OLR1: variants seen among roughly 807,000 people sequenced by gnomAD.
The protein encoded by OLR1 is oxidized low-density lipoprotein receptor 1.
Under a neutral mutation model 31.7 loss-of-function variants are expected in OLR1, and 23 were observed. That is an observed-to-expected ratio of 0.72 (90% CI 0.52 to 1.03). OLR1 has a LOEUF of 1.03. Ranked by LOEUF, OLR1 falls within the 50% of genes least tolerant of loss-of-function variation. The pLI is 0.00. For synonymous variants in OLR1, 117 were observed against 115.8 expected, an observed-to-expected ratio of 1.01 and a Z score of -0.07; for missense variants, 286 against 315.7, an observed-to-expected ratio of 0.91 and a Z score of 0.71.
rs982763910 is a variant in OLR1 at position 10,158,633 on chromosome 12, A to G, written c.*1247T>C. The G allele has an allele frequency of 6.6e-6, 1 of 152,196 alleles. No homozygotes were observed. Among genetic ancestry groups the G allele is most frequent in the Non-Finnish European group, 1.5e-5 (1 of 68,028 alleles). 9.4% of individuals were successfully genotyped at this position (152,196 alleles called of 1,614,324 possible). On this transcript the variant is annotated 3_prime_UTR_variant, in exon 6 of 6. Transcript: ENST00000309539. Reference sequence around the variant, plus strand: ...TGTGACACTTTGAGGGATGATGGATATGTTCACTCTCTTAATTGTAGTATG... The same window carrying G: ...TGTGACACTTTGAGGGATGATGGATGTGTTCACTCTCTTAATTGTAGTATG...
Position 10,159,914 on chromosome 12 carries a change from A to G in OLR1, c.788T>C (p.Ile263Thr). ...AENCILAAFS[I>T]CQKKANLRAQ is the part of the protein sequence containing the mutation. ...TCTTAGGTTTGCCTTCTTCTGACATATACTGAAGGCAGCTAAAATGCAGTT... is the reference window on the plus strand; with the variant it reads ...TCTTAGGTTTGCCTTCTTCTGACATGTACTGAAGGCAGCTAAAATGCAGTT... Residue 263 changes from isoleucine to threonine, a missense_variant, in exon 6 of 6, where the codon ATA becomes ACA. By Grantham distance (89) the Ile-to-Thr change is moderately conservative (BLOSUM62 -1). Coordinates refer to ENST00000309539, the MANE Select transcript of OLR1 (RefSeq NM_002543.4). 6.2e-7 allele frequency: 1 copy of G among 1,613,974 alleles called. No homozygotes were observed. The highest frequency in any genetic ancestry group is 8.5e-7 in the Non-Finnish European group (1 of 1,179,950).
rs1197385782 is a variant in OLR1 at position 10,159,244 on chromosome 12, C to T, written c.*636G>A. 1 of 152,172 alleles carries T rather than the reference C, an allele frequency of 6.6e-6. No individual in the cohort carries two copies. Among genetic ancestry groups the T allele is most frequent in the Non-Finnish European group, 1.5e-5 (1 of 68,086 alleles). 9.4% of individuals were successfully genotyped at this position (152,172 alleles called of 1,614,324 possible). On this transcript the variant is annotated 3_prime_UTR_variant, in exon 6 of 6. Transcript: ENST00000309539. ...GTGGATTAGCTTACAGAAAAGACCA[C>T]TCACTTACTAATTACTTTCTTGGGC...
rs1432356994 is a variant in OLR1 at position 10,160,803 on chromosome 12, T to C, written c.547A>G (p.Asn183Asp). The C allele has an allele frequency of 6.2e-7, 1 of 1,614,062 alleles. No individual in the cohort carries two copies. The highest frequency in any genetic ancestry group is 8.5e-7 in the Non-Finnish European group (1 of 1,180,010). Residue 183 changes from asparagine (N) to aspartate (D), a missense_variant, in exon 4 of 6, where the codon AAT becomes GAT. Coordinates refer to ENST00000309539, the MANE Select transcript of OLR1 (RefSeq NM_002543.4). Reference sequence around the variant, plus strand: ...ACACTCACCAGATCAGCTGTGCTATTAATTTTCAGCAACTTGGCATCCAAA... The same window carrying C: ...ACACTCACCAGATCAGCTGTGCTATCAATTTTCAGCAACTTGGCATCCAAA... ...LSLDAKLLKI[N>D]STADLDFIQQ...
At chr12:10,171,970 T>C (rs760612923) in intron 1 of OLR1, 32 bp downstream of exon 1, 2 of 1,529,008 alleles carry the variant, frequency 1.3e-6, no homozygotes, top group African/African-American at 2.7e-5. Flanking sequence ...ACTGGGATTC[T>C]TTCCCTGTAC....
At position 10,159,644 on chromosome 12, in the gene OLR1, T is replaced by G; in HGVS notation, c.*236A>C. 2.7e-6 allele frequency: 1 copy of G among 369,270 alleles called. No individual in the cohort carries two copies. The highest frequency in any genetic ancestry group is 2.0e-5 in the African/African-American group (1 of 49,952). The allele number at this position is 369,270 out of a possible 1,614,324, so 22.9% of individuals were successfully genotyped here. On this transcript the variant is annotated 3_prime_UTR_variant, in exon 6 of 6. Coordinates refer to ENST00000309539, the MANE Select transcript of OLR1 (RefSeq NM_002543.4). The stretch of plus-strand genomic sequence containing the variant: ...TAAAATAAAAAGGGGAAAATGGACT[T>G]CAGGCTGGCAGGGAAGCTTGGGACA...
At position 10,166,825 on chromosome 12, in the gene OLR1, T is replaced by C; in HGVS notation, c.311A>G (p.Glu104Gly). Residue 104 changes from glutamate to glycine, a missense_variant, in exon 3 of 6, where the codon GAA (glutamate) becomes GGA (glycine). Coordinates refer to ENST00000309539, the MANE Select transcript of OLR1 (RefSeq NM_002543.4). ...CTTCCGAGCAAGGGTTTCTATCATT[T>C]CCTTGAGTTCGTTTTCTGACTCCTG... Reference protein sequence around the residue: ...ASQESENELKEMIETLARKLN... With the variant: ...ASQESENELKGMIETLARKLN... 6.2e-7 allele frequency: 1 copy of C among 1,613,880 alleles called. No individual in the cohort carries two copies. Among genetic ancestry groups the C allele is most frequent in the South Asian group, 1.1e-5 (1 of 91,070 alleles).
In OLR1 at chr12:10,172,126, A is replaced by G. The variant is rs922622953; in HGVS notation, c.-49T>C. On this transcript the variant is annotated 5_prime_UTR_variant, in exon 1 of 6. Transcript: ENST00000309539. ...GAGAGTGAAGCAGTCACGAACTTCA[A>G]CAAACTAAAAATATGTGAGCTTCTG... 7.5e-6 allele frequency: 10 copies of G among 1,328,300 alleles called. No individual in the cohort carries two copies. Among genetic ancestry groups the G allele is most frequent in the Admixed American group, 1.7e-5 (1 of 58,460 alleles). The allele number at this position is 1,328,300 out of a possible 1,614,324, so 82.3% of individuals were successfully genotyped here. A position where few individuals can be genotyped will look rare whatever the true frequency, so the allele number is the denominator to read the frequency against.
chr12:10,174,501 C>G (rs917589975), upstream of OLR1, among the ~76,000 whole-genome samples: 8 of 152,116 alleles, frequency 5.3e-5, no homozygotes, highest in African/African-American at 1.9e-4. Flanking sequence ...GCCTAAAGAA[C>G]AAAAAGCTTC....
At chr12:10,172,143 G>A, upstream of OLR1, 1 of 1,087,242 alleles carries the variant, frequency 9.2e-7, no homozygotes, top group South Asian at 1.3e-5. Flanking sequence ...AAAAATATGT[G>A]AGCTTCTGCA....
At position 10,158,785 on chromosome 12, in the gene OLR1, GAC is replaced by G. The variant is rs1332943348; in HGVS notation, c.*1093_*1094del. 2.1e-5 allele frequency: 3 copies of G among 140,992 alleles called. No individual in the cohort carries two copies. The highest frequency in any genetic ancestry group is 4.4e-4 in the South Asian group (2 of 4,590). 8.7% of individuals were successfully genotyped at this position (140,992 alleles called of 1,614,324 possible). On this transcript the variant is annotated 3_prime_UTR_variant, in exon 6 of 6. Transcript: ENST00000309539. ...AAACATCTCTTGCCTACATAAGGAT[GAC>G]ACAGCTCTTAAAAAAAAAAAAAGAT...
intron 3 of OLR1, among the ~76,000 whole-genome samples, chr12:10,165,985 C>T (rs1358729954): frequency 1.2e-4 from 18 of 151,094 alleles, no homozygotes; most frequent in Admixed American, 7.9e-4. Context: ...CTGAGGCAGG[C>T]GGATGACTTG....
upstream of OLR1, among the ~76,000 whole-genome samples, chr12:10,173,553 G>T (rs1040173664): frequency 6.6e-6 from 1 of 151,852 alleles, no homozygotes; most frequent in South Asian, 2.1e-4. Context: ...GCTGAGGGGG[G>T]GGGTGGATCA....
rs1948610819 is a variant in OLR1, at chr12:10,160,460, G to A, written c.567C>T (p.Asp189=). The A allele has an allele frequency of 1.9e-6, 3 of 1,608,460 alleles. No individual in the cohort carries two copies. ...AATAGGAAATTGCTTGCTGGATGAA[G>A]TCCTGTGGGGAGTAATGTTTCTGAG... is the stretch of plus-strand genomic sequence containing the variant. ...LLKINSTADL[D]FIQQAISYSS... Residue 189 remains aspartate (D), a splice_region_variant and synonymous_variant, in exon 5 of 6, where the codon GAC becomes GAT. Coordinates refer to ENST00000309539, the MANE Select transcript of OLR1 (RefSeq NM_002543.4).
At chr12:10,174,515 C>T (rs1347114121), upstream of OLR1, among the ~76,000 whole-genome samples, 2 of 152,170 alleles carry the variant, frequency 1.3e-5, no homozygotes, top group Non-Finnish European at 2.9e-5. Context: ...AAGCTTCTAA[C>T]CTTCCCCCAA....
chr12:10,160,761 C>T, intron 4 of OLR1, 25 bp downstream of exon 4: 1 of 1,609,062 alleles, frequency 6.2e-7, no homozygotes, highest in Non-Finnish European at 8.5e-7. Context: ...ATACTCCACC[C>T]CAACAAATAT....
At chr12:10,165,262 CA>C (rs71049054) in intron 3 of OLR1, among the ~76,000 whole-genome samples, 136,285 of 138,882 alleles carry the variant, frequency 0.98, 66,865 homozygotes, top group East Asian at 0.99. Flanking sequence ...GACTCCCTCT[CA>C]AAAAAAAAAA....
At chr12:10,175,778 C>T (rs1235249347), upstream of OLR1, among the ~76,000 whole-genome samples, 2 of 152,188 alleles carry the variant, frequency 1.3e-5, no homozygotes, top group Non-Finnish European at 2.9e-5. Flanking sequence ...TGTGGCCCTA[C>T]CCACTGACTT....
upstream of OLR1, among the ~76,000 whole-genome samples, chr12:10,174,711 T>C (rs1012176538): frequency 6.6e-6 from 1 of 152,224 alleles, no homozygotes; most frequent in Admixed American, 6.5e-5. Flanking sequence ...TTGATCCTCT[T>C]TCTCTGCACA....
At chr12:10,160,313 A>G in intron 5 of OLR1, 34 bp downstream of exon 5, 1 of 1,519,580 alleles carries the variant, frequency 6.6e-7, no homozygotes. Flanking sequence ...TAGGAAACTG[A>G]CGAGAGAGGC....
Sources: allele counts gnomAD v4.1 joint callset (sites outside exome capture counted in the v4.1 genomes callset), GRCh38; gene constraint gnomAD v4.1.1; transcripts MANE v1.5; gene names NCBI Gene and HGNC (gene_info 2026-07-23, HGNC 2026-07-21).